The following MRPL3 variants were observed in gnomAD, a reference collection of about 807,000 sequenced individuals.
The protein encoded by MRPL3 is mitochondrial ribosomal protein L3, also known as large ribosomal subunit protein uL3m.
In MRPL3, 43 loss-of-function variants were observed where a neutral mutation model predicts 44.3. That is an observed-to-expected ratio of 0.97 (90% CI 0.76 to 1.25). The LOEUF (loss-of-function observed/expected upper bound fraction) is 1.25, where lower values mean the gene tolerates loss of function less well. MRPL3 is among the 50% of genes most tolerant of loss of function. The pLI is 0.00. For missense variants in MRPL3, 406 were observed against 427.6 expected, an observed-to-expected ratio of 0.95 and a Z score of 0.45; for synonymous variants, 171 against 152.3, an observed-to-expected ratio of 1.12 and a Z score of -0.91.
At chr3:131,494,908 C>T (rs540985768) in intron 4 of MRPL3, among the ~76,000 whole-genome samples, 2 of 152,186 alleles carry the variant, frequency 1.3e-5, no homozygotes, top group Admixed American at 1.3e-4. Context: ...GCATTCTTTT[C>T]CCCCACTTCA....
intron 4 of MRPL3, among the ~76,000 whole-genome samples, chr3:131,495,836 G>A (rs542711190): frequency 8.9e-4 from 135 of 152,138 alleles, no homozygotes; most frequent in Non-Finnish European, 1.4e-3. Context: ...AATATTCAGA[G>A]AACCAATGTG....
intron 6 of MRPL3, among the ~76,000 whole-genome samples, chr3:131,486,075 T>C (rs914173363): frequency 2.0e-5 from 3 of 152,080 alleles, no homozygotes; most frequent in African/African-American, 7.2e-5. Flanking sequence ...CAACAAGAAA[T>C]GGGGAAAGGA....
At chr3:131,474,298 G>C (rs905245665) in intron 6 of MRPL3, among the ~76,000 whole-genome samples, 1 of 152,124 alleles carries the variant, frequency 6.6e-6, no homozygotes, top group African/African-American at 2.4e-5. Flanking sequence ...GACACAGAAA[G>C]ACAAATAATG....
Position 131,462,737 on chromosome 3 carries a change from T to A in MRPL3, c.1033A>T (p.Ile345Phe), listed in dbSNP as rs143176048. 6 of 1,611,294 alleles carry A rather than the reference T, an allele frequency of 3.7e-6. No individual in the cohort carries two copies. Among genetic ancestry groups the A allele is most frequent in the African/African-American group, 2.7e-5 (2 of 74,922 alleles). ...ENVCQPGAPS[I>F]TFA is the part of the protein sequence containing the mutation. ...GTCCAAAGATGTTAGGCAAATGTAA[T>A]AGAAGGCGCACCGGGCTGACACACG... The change falls in exon 10 of 10, where the codon ATT becomes TTT. Residue 345 changes from isoleucine (I) to phenylalanine (F), a missense_variant. By Grantham distance (21) the Ile-to-Phe change is conservative. Transcript: ENST00000264995.
chr3:131,499,788 A>T (rs565401524), intron 3 of MRPL3, among the ~76,000 whole-genome samples: 4 of 152,156 alleles, frequency 2.6e-5, no homozygotes, highest in Non-Finnish European at 4.4e-5. Context: ...ATAGTAGCTA[A>T]TATTTAGTGG....
chr3:131,470,055 A>G (rs1284424614), intron 7 of MRPL3, among the ~76,000 whole-genome samples: 1 of 152,140 alleles, frequency 6.6e-6, no homozygotes, highest in African/African-American at 2.4e-5. Context: ...GAATTAAAAA[A>G]GGACAAGGGC....
At chr3:131,479,808 G>A (rs1180371224) in intron 6 of MRPL3, among the ~76,000 whole-genome samples, 2 of 152,216 alleles carry the variant, frequency 1.3e-5, no homozygotes, top group Non-Finnish European at 2.9e-5. Flanking sequence ...TCGCGCCGCT[G>A]CACTCCAGCC....
At chr3:131,486,377 A>C (rs1294615973) in intron 6 of MRPL3, among the ~76,000 whole-genome samples, 1 of 149,250 alleles carries the variant, frequency 6.7e-6, no homozygotes, top group Non-Finnish European at 1.5e-5. Flanking sequence ...AAAAAAAAAA[A>C]AAAAAAAAAA....
At chr3:131,484,202 G>A (rs186447746) in intron 6 of MRPL3, among the ~76,000 whole-genome samples, 6 of 152,266 alleles carry the variant, frequency 3.9e-5, no homozygotes, top group Admixed American at 6.5e-5. Context: ...GAGGAAAAGT[G>A]GTTTAACTGA....
intron 5 of MRPL3, 83 bp downstream of exon 5, chr3:131,489,898 G>T: frequency 2.7e-6 from 2 of 747,686 alleles, no homozygotes; most frequent in Non-Finnish European, 4.6e-6. Flanking sequence ...CATTTTAGAT[G>T]TAGCTTTATT....
chr3:131,496,832 C>G (rs559710996), intron 4 of MRPL3, among the ~76,000 whole-genome samples: 2 of 152,328 alleles, frequency 1.3e-5, no homozygotes, highest in Admixed American at 1.3e-4. Context: ...ATTCAGAAAG[C>G]ACCTCAAAGT....
In MRPL3 at chr3:131,462,835, T is replaced by C; in HGVS notation, c.935A>G (p.Lys312Arg). The change falls in exon 10 of 10, where the codon AAA becomes AGA. Residue 312 changes from lysine (K) to arginine (R), a missense_variant. Lys to Arg is a conservative substitution (Grantham distance 26). Transcript: ENST00000264995. ...SKLPAYKDLG[K>R]NLPFPTYFPD... ...AAAATATGTAGGGAATGGTAGATTT[T>C]TACCGAGATCCTTATATGCAGGCAG... is the stretch of plus-strand genomic sequence containing the variant. The C allele has an allele frequency of 6.2e-7, 1 of 1,612,738 alleles. No individual in the cohort carries two copies. Among genetic ancestry groups the C allele is most frequent in the Non-Finnish European group, 8.5e-7 (1 of 1,179,150 alleles).
chr3:131,498,014 G>A (rs1054597431), intron 4 of MRPL3, 165 bp downstream of exon 4: 1 of 627,614 alleles, frequency 1.6e-6, no homozygotes, highest in South Asian at 1.8e-5. Context: ...GAGTCTCCAA[G>A]ACTCCTGGGC....
chr3:131,467,481 A>G (rs1263952444), intron 9 of MRPL3, among the ~76,000 whole-genome samples: 1 of 151,996 alleles, frequency 6.6e-6, no homozygotes, highest in Non-Finnish European at 1.5e-5. Context: ...GTAATCCCCA[A>G]TGTTAGAAGA....
At chr3:131,492,059 T>C (rs1320237093) in intron 4 of MRPL3, among the ~76,000 whole-genome samples, 1 of 152,124 alleles carries the variant, frequency 6.6e-6, no homozygotes, top group African/African-American at 2.4e-5. Context: ...GCGCATCCTA[T>C]TGCCTCTGTC....
chr3:131,497,714 C>T (rs1934400565), intron 4 of MRPL3, among the ~76,000 whole-genome samples: 1 of 152,116 alleles, frequency 6.6e-6, no homozygotes, highest in Non-Finnish European at 1.5e-5. Context: ...ACACTGAAAG[C>T]TCCTTCCAGA....
intron 6 of MRPL3, among the ~76,000 whole-genome samples, chr3:131,473,750 A>G (rs1419297333): frequency 6.6e-6 from 1 of 152,126 alleles, no homozygotes; most frequent in Non-Finnish European, 1.5e-5. Context: ...AAAAATGAGC[A>G]AAATATCTTA....
At chr3:131,475,041 C>G (rs575954032) in intron 6 of MRPL3, among the ~76,000 whole-genome samples, 1 of 152,160 alleles carries the variant, frequency 6.6e-6, no homozygotes, top group African/African-American at 2.4e-5. Context: ...CTGGGCCTCC[C>G]AAAGTGTTGG....
At chr3:131,466,660 A>C (rs1933611444) in intron 9 of MRPL3, among the ~76,000 whole-genome samples, 2 of 135,902 alleles carry the variant, frequency 1.5e-5, no homozygotes, top group East Asian at 2.3e-4. Context: ...TGTCAAAGTA[A>C]CTCTTTTAAA....
Sources: allele counts gnomAD v4.1 joint callset (sites outside exome capture counted in the v4.1 genomes callset), GRCh38; gene constraint gnomAD v4.1.1; transcripts MANE v1.5; gene names NCBI Gene and HGNC (gene_info 2026-07-23, HGNC 2026-07-21).